Variants in MRPL15 observed in about 807,000 individuals in gnomAD.
MRPL15 encodes the protein mitochondrial ribosomal protein L15.
MRPL15 carries 24 observed loss-of-function variants against 28.0 expected under a neutral mutation model. The observed-to-expected ratio is 0.86, with a 90% CI of 0.62 to 1.21. The LOEUF is 1.21. MRPL15 is among the 50% of genes most tolerant of loss of function. MRPL15 has a pLI of 0.00. For synonymous variants in MRPL15, 124 were observed against 137.0 expected (o/e 0.90, Z 0.66); for missense variants, 343 against 372.4 (o/e 0.92, Z 0.65).
At position 54,137,347 on chromosome 8, in the gene MRPL15, C is replaced by G. The variant is rs773739271; in HGVS notation, c.343C>G (p.Pro115Ala). Reference sequence around the variant, plus strand: ...TTTGGGTCGTGTTGATCCTAGTCAACCTATTGACTTAACCCAGCTTGTCAA... The same window carrying G: ...TTTGGGTCGTGTTGATCCTAGTCAAGCTATTGACTTAACCCAGCTTGTCAA... ...IDLGRVDPSQ[P>A]IDLTQLVNGR... The change falls in exon 3 of 5, where the codon CCT becomes GCT. Residue 115 changes from proline (P) to alanine (A), a missense_variant. Transcript: ENST00000260102. The G allele has an allele frequency of 6.2e-7, 1 of 1,613,702 alleles. No homozygotes were observed. Among genetic ancestry groups the G allele is most frequent in the Non-Finnish European group, 8.5e-7 (1 of 1,179,632 alleles).
chr8:54,136,833 A>T (rs969145979), intron 2 of MRPL15, among the ~76,000 whole-genome samples, 168 bp downstream of exon 2: 28 of 152,204 alleles, frequency 1.8e-4, no homozygotes, highest in African/African-American at 5.8e-4. Context: ...CTGGATTATT[A>T]AAAGGAAAAG....
chr8:54,137,533 G>C (rs1228732948), intron 3 of MRPL15, 100 bp downstream of exon 3: 1 of 1,109,664 alleles, frequency 9.0e-7, no homozygotes, highest in Non-Finnish European at 1.3e-6. Context: ...GCGCAATCTC[G>C]GCTCCTGCAA....
rs935790007 is a variant in MRPL15 at position 54,147,511 on chromosome 8, A to C, written c.683A>C (p.Lys228Thr). 1 of 1,614,064 alleles carries C rather than the reference A, an allele frequency of 6.2e-7. No homozygotes were observed. Among genetic ancestry groups the C allele is most frequent in the African/African-American group, 1.3e-5 (1 of 74,920 alleles). Residue 228 changes from lysine (K) to threonine (T), a missense_variant, in exon 5 of 5, where the codon AAA (lysine) becomes ACA (threonine). Physicochemically the swap from Lys to Thr is moderately conservative, Grantham distance 78. Transcript: ENST00000260102. ...KNRGYLADPA[K>T]FPEARLELAR... is the part of the protein sequence containing the mutation. ...CGTGGGTACCTGGCGGATCCTGCCAAATTTCCTGAAGCACGACTTGAACTC... is the reference window on the plus strand; with the variant it reads ...CGTGGGTACCTGGCGGATCCTGCCACATTTCCTGAAGCACGACTTGAACTC...
At chr8:54,135,535 T>G in intron 1 of MRPL15, 144 bp downstream of exon 1, 1 of 456,588 alleles carries the variant, frequency 2.2e-6, no homozygotes. Flanking sequence ...TCTCCCTTAC[T>G]GCCCAGAGGG....
At position 54,137,352 on chromosome 8, in the gene MRPL15, T is replaced by C; in HGVS notation, c.348T>C (p.Ile116=). 1 of 1,614,134 alleles carries C rather than the reference T, an allele frequency of 6.2e-7. No homozygotes were observed. The highest frequency in any genetic ancestry group is 1.1e-5 in the South Asian group (1 of 91,072). The change falls in exon 3 of 5, where the codon ATT becomes ATC. Residue 116 remains isoleucine, a synonymous_variant. Coordinates refer to ENST00000260102, the MANE Select transcript of MRPL15 (RefSeq NM_014175.4). ...DLGRVDPSQP[I]DLTQLVNGRG... Reference sequence around the variant, plus strand: ...GTCGTGTTGATCCTAGTCAACCTATTGACTTAACCCAGCTTGTCAATGGGA... The same window carrying C: ...GTCGTGTTGATCCTAGTCAACCTATCGACTTAACCCAGCTTGTCAATGGGA...
At chr8:54,136,475 A>G in intron 1 of MRPL15, 36 bp from the exon 2 acceptor site, 1 of 1,586,062 alleles carries the variant, frequency 6.3e-7, no homozygotes, top group South Asian at 1.1e-5. Flanking sequence ...TTAGAAATGC[A>G]TCTGAAATTC....
In MRPL15 at chr8:54,148,249, T is replaced by A. The variant is rs527470639; in HGVS notation, c.*530T>A. ...GAGGAGTAGCTGGTAGGCAGTATGT[T>A]TGCCAGTGACATTGAAGGTGAGAGA... is the stretch of plus-strand genomic sequence containing the variant. On this transcript the variant is annotated 3_prime_UTR_variant, in exon 5 of 5. Transcript: ENST00000260102. Among the ~76,000 whole-genome samples the A allele has an allele frequency of 5.3e-5, 8 of 152,364 alleles. No individual in the cohort carries two copies. The South Asian group carries it at 1.4e-3, about 28-fold the overall frequency.
rs529285225 is a variant in MRPL15 at position 54,148,491 on chromosome 8, C to T, written c.*772C>T. ...TAGCTCTAGTAGAAGTCATGGGTCA[C>T]GGAAGAGAACTGTGGAACCCAGTGA... is the stretch of plus-strand genomic sequence containing the variant. On this transcript the variant is annotated 3_prime_UTR_variant, in exon 5 of 5. Transcript: ENST00000260102. 1.2e-4 allele frequency among the ~76,000 whole-genome samples: 18 copies of T among 152,254 alleles called. No individual in the cohort carries two copies. The highest frequency in any genetic ancestry group is 1.0e-3 in the South Asian group (5 of 4,820).
In MRPL15 at chr8:54,147,459, G is replaced by T. The variant is rs772763946; in HGVS notation, c.631G>T (p.Val211Leu). ...PKRMLPPEEL[V>L]PYYTDAKNRG... Reference sequence around the variant, plus strand: ...AAGAATGCTTCCACCAGAAGAACTGGTACCATATTACACTGATGCAAAGAA... The same window carrying T: ...AAGAATGCTTCCACCAGAAGAACTGTTACCATATTACACTGATGCAAAGAA... The change falls in exon 5 of 5, where the codon GTA (valine) becomes TTA (leucine). Residue 211 changes from valine (V) to leucine (L), a missense_variant. By Grantham distance (32) the Val-to-Leu change is conservative. Coordinates refer to ENST00000260102, the MANE Select transcript of MRPL15 (RefSeq NM_014175.4). 62 of 1,614,006 alleles carry T rather than the reference G, an allele frequency of 3.8e-5. 2 individuals carry two copies. In the South Asian group the frequency reaches 6.1e-4, roughly 16 times the overall value.
chr8:54,147,482 G>C lies in MRPL15; in HGVS notation c.654G>C (p.Lys218Asn), dbSNP rs376969993. 3.7e-6 allele frequency: 6 copies of C among 1,614,000 alleles called. No homozygotes were observed. In the African/African-American group the frequency reaches 8.0e-5, roughly 22 times the overall value. ...EELVPYYTDAKNRGYLADPAK... is the reference protein window; with the variant it reads ...EELVPYYTDANNRGYLADPAK... ...TGGTACCATATTACACTGATGCAAA[G>C]AACCGTGGGTACCTGGCGGATCCTG... Residue 218 changes from lysine (K) to asparagine (N), a missense_variant, in exon 5 of 5, where the codon AAG becomes AAC. By Grantham distance (94) the Lys-to-Asn change is moderately conservative (BLOSUM62 0). Coordinates refer to ENST00000260102, the MANE Select transcript of MRPL15 (RefSeq NM_014175.4).
intron 1 of MRPL15, among the ~76,000 whole-genome samples, chr8:54,135,915 A>G (rs1810821731): frequency 2.6e-5 from 4 of 152,240 alleles, no homozygotes; most frequent in Admixed American, 2.0e-4. Context: ...TGTGTCATTC[A>G]AAATTGGATT....
Position 54,135,353 on chromosome 8 carries a change from C to G in MRPL15, c.70C>G (p.Leu24Val). ...DLLRGLPRVSLANLKPNPGSK... is the reference protein window; with the variant it reads ...DLLRGLPRVSVANLKPNPGSK... The stretch of plus-strand genomic sequence containing the variant: ...ACTCCGGGGCCTGCCGCGTGTGAGC[C>G]TGGCCAACTTAAAGCCGAATCCCGG... The change falls in exon 1 of 5, where the codon CTG becomes GTG. Residue 24 changes from leucine (L) to valine (V), a missense_variant. Physicochemically the swap from Leu to Val is conservative, Grantham distance 32 (BLOSUM62 1). Coordinates refer to ENST00000260102, the MANE Select transcript of MRPL15 (RefSeq NM_014175.4). 1.3e-6 allele frequency: 2 copies of G among 1,520,142 alleles called. No homozygotes were observed. Among genetic ancestry groups the G allele is most frequent in the Non-Finnish European group, 1.8e-6 (2 of 1,130,984 alleles). 94.2% of individuals were successfully genotyped at this position (1,520,142 alleles called of 1,614,324 possible).
At chr8:54,141,246 C>T (rs937964373) in intron 3 of MRPL15, among the ~76,000 whole-genome samples, 12 of 152,150 alleles carry the variant, frequency 7.9e-5, no homozygotes, top group East Asian at 3.8e-4. Flanking sequence ...AACCTCTGTG[C>T]GTTGGTATTT....
rs889580954 is a variant in MRPL15, at chr8:54,135,278, C to T, written c.-6C>T. The T allele has an allele frequency of 7.4e-5, 99 of 1,332,442 alleles. No homozygotes were observed. The highest frequency in any genetic ancestry group is 9.4e-5 in the Non-Finnish European group (97 of 1,031,500). 82.5% of individuals were successfully genotyped at this position (1,332,442 alleles called of 1,614,324 possible). A position where few individuals can be genotyped will look rare whatever the true frequency, so the allele number is the denominator to read the frequency against. ...GCGCCCTTGAAAGTTCTTGGATCTG[C>T]GGGTTATGGCCGGTCCCTTGCAGGG... On this transcript the variant is annotated 5_prime_UTR_variant, in exon 1 of 5. Coordinates refer to ENST00000260102, the MANE Select transcript of MRPL15 (RefSeq NM_014175.4).
chr8:54,146,709 T>G (rs1351077276), intron 4 of MRPL15, among the ~76,000 whole-genome samples: 1 of 152,232 alleles, frequency 6.6e-6, no homozygotes, highest in Non-Finnish European at 1.5e-5. Flanking sequence ...GTCAGTTGTA[T>G]TCATACAGTT....
intron 4 of MRPL15, among the ~76,000 whole-genome samples, chr8:54,143,649 G>T (rs545141573): frequency 1.3e-5 from 2 of 152,124 alleles, no homozygotes; most frequent in Admixed American, 1.3e-4. Flanking sequence ...GTGGCACAAG[G>T]TTCCTTTTAA....
intron 2 of MRPL15, 30 bp downstream of exon 2, chr8:54,136,695 G>C (rs2271567): frequency 6.3e-7 from 1 of 1,574,984 alleles, no homozygotes; most frequent in South Asian, 1.1e-5. Flanking sequence ...TAAAGTACAG[G>C]TCCCCAATTT....
chr8:54,136,460 A>G, intron 1 of MRPL15, 51 bp from the exon 2 acceptor site: 1 of 1,574,208 alleles, frequency 6.4e-7, no homozygotes, highest in Non-Finnish European at 8.6e-7. Flanking sequence ...GCTGAAATGC[A>G]GTTTTTAGAA....
At chr8:54,145,933 T>C (rs1481155342) in intron 4 of MRPL15, among the ~76,000 whole-genome samples, 2 of 152,244 alleles carry the variant, frequency 1.3e-5, no homozygotes, top group Admixed American at 1.3e-4. Context: ...TCTCGACCCT[T>C]AGCAGATAGC....
Sources: allele counts gnomAD v4.1 joint callset (sites outside exome capture counted in the v4.1 genomes callset), GRCh38; gene constraint gnomAD v4.1.1; transcripts MANE v1.5; gene names NCBI Gene and HGNC (gene_info 2026-07-23, HGNC 2026-07-21).